Variants in SNTB1 observed in about 807,000 individuals in gnomAD.
SNTB1 encodes the protein syntrophin beta 1.
SNTB1 carries 36 observed loss-of-function variants against 48.9 expected under a neutral mutation model. The observed-to-expected ratio is 0.74, with a 90% CI of 0.56 to 0.97. The LOEUF is 0.97. Among genes scored for constraint, SNTB1 ranks in the 50% least tolerant of loss-of-function variants. SNTB1 has a pLI of 0.00. For synonymous variants in SNTB1, 299 were observed against 294.6 expected, an observed-to-expected ratio of 1.01 and a Z score of -0.15; for missense variants, 786 against 703.4, an observed-to-expected ratio of 1.12 and a Z score of -1.33.
At chr8:120,645,482 G>A (rs1036497242) in intron 2 of SNTB1, among the ~76,000 whole-genome samples, 12 of 151,582 alleles carry the variant, frequency 7.9e-5, no homozygotes, top group East Asian at 3.9e-4. Context: ...GTAGACATGC[G>A]GCATTATTTC....
chr8:120,586,038 T>C (rs1816133290), intron 3 of SNTB1, among the ~76,000 whole-genome samples: 1 of 152,178 alleles, frequency 6.6e-6, no homozygotes, highest in Admixed American at 6.5e-5. Context: ...CCTTCAGCAG[T>C]GTTACACTAG....
intron 3 of SNTB1, among the ~76,000 whole-genome samples, chr8:120,582,203 G>A (rs528961798): frequency 1.3e-5 from 2 of 152,174 alleles, no homozygotes; most frequent in South Asian, 2.1e-4. Context: ...TGACCAAAAT[G>A]GAATTAAATT....
intron 2 of SNTB1, among the ~76,000 whole-genome samples, chr8:120,670,294 A>G (rs1817738582): frequency 1.3e-5 from 2 of 152,206 alleles, no homozygotes; most frequent in Admixed American, 1.3e-4. Flanking sequence ...TCCATGACAC[A>G]TGGGCTTTGA....
At chr8:120,805,020 G>T (rs1346990877) in intron 1 of SNTB1, among the ~76,000 whole-genome samples, 7 of 152,138 alleles carry the variant, frequency 4.6e-5, no homozygotes, top group African/African-American at 1.7e-4. Flanking sequence ...CTTCTTTAGG[G>T]CAATGTTCTA....
At chr8:120,683,269 T>C (rs796389042) in intron 2 of SNTB1, among the ~76,000 whole-genome samples, 23 of 152,332 alleles carry the variant, frequency 1.5e-4, no homozygotes, top group African/African-American at 5.5e-4. Flanking sequence ...TTGTTGATGA[T>C]ATACACAGCC....
intron 1 of SNTB1, among the ~76,000 whole-genome samples, chr8:120,712,608 G>C (rs1187834413): frequency 6.6e-6 from 1 of 152,042 alleles, no homozygotes; most frequent in African/African-American, 2.4e-5. Context: ...GAAAAGCTCA[G>C]TGCAGACGAA....
chr8:120,634,826 G>A (rs1817046684), intron 2 of SNTB1, among the ~76,000 whole-genome samples: 2 of 152,228 alleles, frequency 1.3e-5, no homozygotes, highest in South Asian at 4.1e-4. Flanking sequence ...ATGTCACTAG[G>A]GGAACTTTAG....
chr8:120,716,923 G>C (rs80129378), intron 1 of SNTB1, among the ~76,000 whole-genome samples: 4,143 of 152,228 alleles, frequency 0.027, 169 homozygotes, highest in African/African-American at 0.093. Context: ...TCTTTCAGCA[G>C]TTTTCATGGA....
intron 3 of SNTB1, among the ~76,000 whole-genome samples, chr8:120,580,196 T>C (rs1461857646): frequency 6.6e-6 from 1 of 152,208 alleles, no homozygotes; most frequent in Non-Finnish European, 1.5e-5. Flanking sequence ...GGGGTCTCTT[T>C]TTCTCGCTTC....
At chr8:120,796,787 G>A (rs895107949) in intron 1 of SNTB1, among the ~76,000 whole-genome samples, 4 of 151,898 alleles carry the variant, frequency 2.6e-5, no homozygotes, top group African/African-American at 4.8e-5. Flanking sequence ...TTCTTCCCTC[G>A]GTCTATGTGT....
At chr8:120,680,062 T>C (rs1817904433) in intron 2 of SNTB1, among the ~76,000 whole-genome samples, 1 of 152,182 alleles carries the variant, frequency 6.6e-6, no homozygotes, top group South Asian at 2.1e-4. Context: ...ATCTCAACCT[T>C]TGACCTGGCT....
intron 5 of SNTB1, among the ~76,000 whole-genome samples, chr8:120,544,238 T>C (rs1815340048): frequency 6.6e-6 from 1 of 152,246 alleles, no homozygotes; most frequent in Non-Finnish European, 1.5e-5. Flanking sequence ...CTTTTAATTC[T>C]AGTTGACTTC....
intron 1 of SNTB1, among the ~76,000 whole-genome samples, chr8:120,779,512 GAAATAAAATA>G (rs201161763): frequency 0.038 from 5,843 of 151,932 alleles, 371 homozygotes; most frequent in African/African-American, 0.13. Context: ...AAAATAAAAT[GAAATAAAATA>G]AAATAAAATA....
intron 2 of SNTB1, among the ~76,000 whole-genome samples, chr8:120,642,657 G>C (rs772208477): frequency 3.9e-5 from 6 of 152,100 alleles, no homozygotes; most frequent in African/African-American, 1.4e-4. Flanking sequence ...TCATGCCTGT[G>C]ATCCCAGCAC....
chr8:120,560,592 A>G (rs565109947), intron 4 of SNTB1, among the ~76,000 whole-genome samples: 1 of 152,386 alleles, frequency 6.6e-6, no homozygotes, highest in Non-Finnish European at 1.5e-5. Context: ...GATATTGACT[A>G]TAAGAAACGA....
intron 2 of SNTB1, among the ~76,000 whole-genome samples, chr8:120,651,567 A>G (rs1817411529): frequency 6.6e-6 from 1 of 152,198 alleles, no homozygotes; most frequent in Admixed American, 6.5e-5. Context: ...TCATTTTTTT[A>G]GTAGGTTTTT....
intron 1 of SNTB1, among the ~76,000 whole-genome samples, chr8:120,706,942 C>T (rs1282318520): frequency 6.6e-6 from 1 of 152,112 alleles, no homozygotes; most frequent in Non-Finnish European, 1.5e-5. Context: ...AAAGGAATGA[C>T]ATTTTTCCAC....
At chr8:120,637,666 GA>G in intron 2 of SNTB1, 1 of 351,764 alleles carries the variant, frequency 2.8e-6, no homozygotes, top group South Asian at 2.5e-5. Flanking sequence ...ATTATTTTAG[GA>G]AGAATAAAAA....
In SNTB1 at chr8:120,538,909, C is replaced by G; in HGVS notation, c.1585G>C (p.Ala529Pro). 1 of 1,613,754 alleles carries G rather than the reference C, an allele frequency of 6.2e-7. No individual in the cohort carries two copies. Among genetic ancestry groups the G allele is most frequent in the Admixed American group, 1.7e-5 (1 of 59,968 alleles). The change falls in exon 7 of 7, where the codon GCT becomes CCT. Residue 529 changes from alanine (A) to proline (P), a missense_variant. By Grantham distance (27) the Ala-to-Pro change is conservative. Transcript: ENST00000517992. The stretch of plus-strand genomic sequence containing the variant: ...ACCAAGCCCAGTCTTGTAATCTTAG[C>G]TGACAGGAAGGAATGAATGATGAAA... ...IVFIIHSFLS[A>P]KITRLGLVA is the part of the protein sequence containing the mutation.
Sources: allele counts gnomAD v4.1 joint callset (sites outside exome capture counted in the v4.1 genomes callset), GRCh38; gene constraint gnomAD v4.1.1; transcripts MANE v1.5; gene names NCBI Gene and HGNC (gene_info 2026-07-23, HGNC 2026-07-21).